The following SERPINB12 variants were observed in gnomAD, a reference collection of about 807,000 sequenced individuals.
SERPINB12 encodes the protein serpin family B member 12, also known as serpin B12.
SERPINB12 carries 57 observed loss-of-function variants against 41.1 expected under a neutral mutation model. The ratio of observed to expected loss-of-function variants is 1.39; its 90% CI spans 1.12 to 1.73. The LOEUF (loss-of-function observed/expected upper bound fraction) is 1.73. Among genes scored for constraint, SERPINB12 ranks in the 40% most tolerant of loss-of-function variants. The pLI, the probability that SERPINB12 is intolerant of heterozygous loss-of-function variation, is 0.00. For synonymous variants in SERPINB12, 180 were observed against 181.3 expected, an observed-to-expected ratio of 0.99 and a Z score of 0.06; for missense variants, 536 against 501.9, an observed-to-expected ratio of 1.07 and a Z score of -0.65.
At chr18:63,535,383 G>C in the SERPINB12 span, among the ~76,000 whole-genome samples, 1 of 152,092 alleles carries the variant, frequency 6.6e-6, no homozygotes, top group Non-Finnish European at 1.5e-5. Flanking sequence ...CTCCCGAGGT[G>C]ATGCCCCGAG....
chr18:63,554,709 C>T (rs9954135), intron 1 of SERPINB12, among the ~76,000 whole-genome samples: 103,442 of 151,958 alleles, frequency 0.68, 35,568 homozygotes, highest in Middle Eastern at 0.74. Context: ...GTCACTATCT[C>T]ACTCTGGTTC....
At chr18:63,564,471 T>C (rs375618262) in intron 6 of SERPINB12, among the ~76,000 whole-genome samples, 78 of 152,316 alleles carry the variant, frequency 5.1e-4, no homozygotes, top group African/African-American at 1.7e-3. Context: ...TGTTCTAAGC[T>C]AGTAGATTTA....
chr18:63,543,511 C>T (rs1425537851), intron 1 of SERPINB12, among the ~76,000 whole-genome samples: 1 of 152,130 alleles, frequency 6.6e-6, no homozygotes, highest in Non-Finnish European at 1.5e-5. Flanking sequence ...TGTTATTTTA[C>T]TGTAATACTG....
upstream of SERPINB12, among the ~76,000 whole-genome samples, chr18:63,540,339 C>T (rs1439808106): frequency 2.0e-5 from 3 of 152,150 alleles, no homozygotes; most frequent in African/African-American, 7.2e-5. Context: ...CAATTCAACA[C>T]GATGCATTCC....
At chr18:63,556,499 G>A (rs1305190503) in intron 2 of SERPINB12, among the ~76,000 whole-genome samples, 172 bp downstream of exon 2, 1 of 151,956 alleles carries the variant, frequency 6.6e-6, no homozygotes, top group Non-Finnish European at 1.5e-5. Flanking sequence ...CTTCCTCTTC[G>A]ATCCTACCAT....
chr18:63,544,883 A>G (rs1023620246), intron 1 of SERPINB12, among the ~76,000 whole-genome samples: 3 of 152,148 alleles, frequency 2.0e-5, no homozygotes, highest in Non-Finnish European at 4.4e-5. Context: ...GTCTATGCTG[A>G]TATTTTTCCT....
chr18:63,551,191 C>T (rs1449775941), intron 1 of SERPINB12, among the ~76,000 whole-genome samples: 2 of 151,660 alleles, frequency 1.3e-5, no homozygotes, highest in African/African-American at 4.8e-5. Flanking sequence ...ATGGCATGAA[C>T]CTGGGAGGCG....
At chr18:63,558,248 G>T in intron 2 of SERPINB12, 104 bp from the exon 3 acceptor site, 1 of 1,268,600 alleles carries the variant, frequency 7.9e-7, no homozygotes, top group Non-Finnish European at 1.1e-6. Flanking sequence ...TGTTTTGTTT[G>T]ACTATGTAAT....
In SERPINB12 at chr18:63,556,316, C is replaced by T. The variant is rs201889611; in HGVS notation, c.157C>T (p.Gln53Ter). 6.8e-6 allele frequency: 11 copies of T among 1,613,894 alleles called. No homozygotes were observed. The African/African-American group carries it at 1.3e-4, about 20-fold the overall frequency. ...GGGTGCTAGAAGTGACAGTGCACAT[C>T]AGATTGATGAGGTACGTGTCCACTA... ...RLGARSDSAH[Q>*]IDEVLHFNEF... Residue 53 changes from glutamine (Q) to a stop codon, truncating the protein, a stop_gained, in exon 2 of 8, where the codon CAG (glutamine) becomes TAG (stop). Transcript: ENST00000382768. LOFTEE classifies it high-confidence loss of function.
At position 63,565,059 on chromosome 18, in the gene SERPINB12, C is replaced by T. The variant is rs117433560; in HGVS notation, c.706-386C>T. Among the ~76,000 whole-genome samples, 4,346 of 152,072 alleles carry T rather than the reference C, an allele frequency of 0.029. 291 individuals are homozygous for T. In the East Asian group the frequency reaches 0.3, roughly 10 times the overall value. The stretch of plus-strand genomic sequence containing the variant: ...AAAATTAGCCAGGTGTGGTGGTCCA[C>T]GCCTGTGGCCCCAGCTACTCAGGAA... On this transcript the variant is annotated intron_variant, in intron 6 of 7. Coordinates refer to ENST00000382768, the MANE Select transcript of SERPINB12 (RefSeq NM_001307928.2).
chr18:63,557,269 G>C (rs1910709961), intron 2 of SERPINB12, among the ~76,000 whole-genome samples: 1 of 152,046 alleles, frequency 6.6e-6, no homozygotes, highest in South Asian at 2.1e-4. Flanking sequence ...TCTTCTTCAA[G>C]ACTTTGATCA....
At chr18:63,525,457 C>T in the SERPINB12 span, among the ~76,000 whole-genome samples, 1 of 152,030 alleles carries the variant, frequency 6.6e-6, no homozygotes, top group Non-Finnish European at 1.5e-5. Context: ...TCTCATACAA[C>T]AATTTTTAAT....
chr18:63,519,811 A>G, the SERPINB12 span, among the ~76,000 whole-genome samples: 1 of 152,174 alleles, frequency 6.6e-6, no homozygotes, highest in Admixed American at 6.5e-5. Context: ...TGCAGATTCC[A>G]CGGTCCCATC....
intron 1 of SERPINB12, among the ~76,000 whole-genome samples, chr18:63,542,926 G>A (rs1329465787): frequency 6.6e-6 from 1 of 152,104 alleles, no homozygotes; most frequent in Admixed American, 6.6e-5. Context: ...GTTCCCTTAG[G>A]ATAATAGCCT....
chr18:63,566,434 GA>G (rs2144355896), intron 7 of SERPINB12, among the ~76,000 whole-genome samples, 172 bp from the exon 8 acceptor site: 1 of 152,278 alleles, frequency 6.6e-6, no homozygotes, highest in Non-Finnish European at 1.5e-5. Context: ...TTCTTCTAAA[GA>G]GGAAAGATAT....
chr18:63,526,703 G>A, the SERPINB12 span, among the ~76,000 whole-genome samples: 7 of 152,150 alleles, frequency 4.6e-5, no homozygotes, highest in African/African-American at 1.4e-4. Context: ...ATTTTACCAT[G>A]TTTTCACCTC....
the SERPINB12 span, among the ~76,000 whole-genome samples, chr18:63,528,580 A>T: frequency 6.6e-6 from 1 of 152,066 alleles, no homozygotes; most frequent in Non-Finnish European, 1.5e-5. Context: ...AGGTAAGGGG[A>T]AAAAAGTAAA....
chr18:63,561,442 A>G (rs1017593532), intron 5 of SERPINB12, among the ~76,000 whole-genome samples: 2 of 152,218 alleles, frequency 1.3e-5, no homozygotes, highest in Admixed American at 1.3e-4. Flanking sequence ...CTTATACACT[A>G]TTGGTGGGAA....
intron 3 of SERPINB12, among the ~76,000 whole-genome samples, chr18:63,559,082 C>T (rs72931679): frequency 1.2e-3 from 64 of 51,360 alleles, no homozygotes; most frequent in African/African-American, 3.0e-3. Flanking sequence ...TCCTTCTCTC[C>T]TTCTCTCTTT....
Sources: gnomAD v4.1 joint callset for allele counts (sites outside exome capture counted in the v4.1 genomes callset) on GRCh38, gnomAD v4.1.1 for gene constraint, MANE v1.5 for transcripts, NCBI Gene and HGNC (gene_info 2026-07-23, HGNC 2026-07-21) for gene names.